The following KCNIP4 variants were observed in gnomAD, a reference collection of about 807,000 sequenced individuals.
KCNIP4 encodes the protein Kv channel-interacting protein 4.
In KCNIP4, 12 loss-of-function variants were observed where a neutral mutation model predicts 34.0. That is an observed-to-expected ratio of 0.35 (90% CI 0.23 to 0.57). The LOEUF (loss-of-function observed/expected upper bound fraction) is 0.57, where lower values mean the gene tolerates loss of function less well. Ranked by LOEUF, KCNIP4 falls within the 20% of genes least tolerant of loss-of-function variation. The pLI is 0.83. For synonymous variants in KCNIP4, 124 were observed against 102.2 expected (o/e 1.21, Z -1.29); for missense variants, 238 against 311.7 (o/e 0.76, Z 1.78).
intron 1 of KCNIP4, among the ~76,000 whole-genome samples, chr4:21,901,570 G>A (rs1459590328): frequency 6.6e-6 from 1 of 152,066 alleles, no homozygotes; most frequent in African/African-American, 2.4e-5. Context: ...AGTGGGGGCT[G>A]GAATTATGGG....
rs148528651 is a variant in KCNIP4 at position 21,037,230 on chromosome 4, G to A, written c.62-154521C>T. ...AAAATATTCTTATAAATTTAATGTC[G>A]CCAAAATGTACAGTGTGTATAAAGT... On this transcript the variant is annotated intron_variant, in intron 1 of 8. Coordinates refer to ENST00000382152, the MANE Select transcript of KCNIP4 (RefSeq NM_025221.6). Among the ~76,000 whole-genome samples the A allele has an allele frequency of 1.6e-3, 236 of 151,916 alleles. 2 individuals are homozygous for A. The highest frequency in any genetic ancestry group is 6.8e-3 in the Middle Eastern group (2 of 292).
intron 1 of KCNIP4, among the ~76,000 whole-genome samples, chr4:21,780,510 A>G: frequency 6.6e-6 from 1 of 152,120 alleles, no homozygotes; most frequent in East Asian, 1.9e-4. Context: ...GGACTAGAGG[A>G]AACCACATGC....
intron 1 of KCNIP4, among the ~76,000 whole-genome samples, chr4:21,693,367 C>G (rs993587251): frequency 2.6e-5 from 4 of 152,080 alleles, no homozygotes; most frequent in African/African-American, 9.7e-5. Context: ...TCAAGACCAG[C>G]CTGGCCAACA....
In KCNIP4 at chr4:21,664,700, C is replaced by G. The variant is rs140436958; in HGVS notation, c.61+283871G>C. Among the ~76,000 whole-genome samples, 283 of 152,120 alleles carry G rather than the reference C, an allele frequency of 1.9e-3. 1 individual carries two copies. The highest frequency in any genetic ancestry group is 6.6e-3 in the African/African-American group (274 of 41,518). ...CTCAGTTGCTTCCCAGATATACACT[C>G]GAGAGTTGAAAAATAACATTCTTAA... is the stretch of plus-strand genomic sequence containing the variant. On this transcript the variant is annotated intron_variant, in intron 1 of 8. Coordinates refer to ENST00000382152, the MANE Select transcript of KCNIP4 (RefSeq NM_025221.6).
chr4:21,749,721 C>T (rs1364045074), intron 1 of KCNIP4, among the ~76,000 whole-genome samples: 1 of 152,120 alleles, frequency 6.6e-6, no homozygotes, highest in African/African-American at 2.4e-5. Flanking sequence ...CACTGAGGGT[C>T]AGGGCCCTTT....
chr4:20,962,575 A>G (rs1286793649), intron 1 of KCNIP4, among the ~76,000 whole-genome samples: 1 of 152,204 alleles, frequency 6.6e-6, no homozygotes, highest in East Asian at 1.9e-4. Flanking sequence ...CAGTACTAAC[A>G]TTGGGCATGG....
chr4:20,738,130 A>G, intron 5 of KCNIP4, among the ~76,000 whole-genome samples: 1 of 120,640 alleles, frequency 8.3e-6, no homozygotes, highest in African/African-American at 3.7e-5. Context: ...ACTCTGTCTC[A>G]AAAAAAAAAA....
At chr4:20,985,862 T>C (rs896011367) in intron 1 of KCNIP4, among the ~76,000 whole-genome samples, 4 of 152,134 alleles carry the variant, frequency 2.6e-5, no homozygotes, top group Non-Finnish European at 4.4e-5. Context: ...ACTAGAAGTA[T>C]TATAGTATAC....
rs6839840 is a variant in KCNIP4 at position 21,324,731 on chromosome 4, G to C, written c.62-442022C>G. ...TTTTTCTTTTACTCAGGATTGCTTT[G>C]GCTTTTCTGGGTCTTTTGTGGTTCC... is the stretch of plus-strand genomic sequence containing the variant. On this transcript the variant is annotated intron_variant, in intron 1 of 8. Coordinates refer to ENST00000382152, the MANE Select transcript of KCNIP4 (RefSeq NM_025221.6). Among the ~76,000 whole-genome samples the C allele has an allele frequency of 6.5e-3, 972 of 149,134 alleles. 13 individuals are homozygous for C. Among genetic ancestry groups the C allele is most frequent in the African/African-American group, 0.023 (933 of 40,558 alleles).
intron 1 of KCNIP4, among the ~76,000 whole-genome samples, chr4:21,525,105 G>A (rs1483212043): frequency 1.3e-5 from 2 of 152,054 alleles, no homozygotes; most frequent in East Asian, 1.9e-4. Flanking sequence ...CATCAATAAA[G>A]AGCCACTTAT....
At chr4:21,336,228 A>T (rs1472708261) in intron 1 of KCNIP4, among the ~76,000 whole-genome samples, 1 of 152,088 alleles carries the variant, frequency 6.6e-6, no homozygotes, top group African/African-American at 2.4e-5. Flanking sequence ...ACAATTATTT[A>T]TCCTATTTCC....
chr4:21,538,963 G>C (rs1737456646), intron 1 of KCNIP4, among the ~76,000 whole-genome samples: 1 of 152,152 alleles, frequency 6.6e-6, no homozygotes, highest in Admixed American at 6.5e-5. Flanking sequence ...TGGATCGTAG[G>C]AGTGGATTCT....
chr4:21,431,988 A>C (rs146138043), intron 1 of KCNIP4, among the ~76,000 whole-genome samples: 1,690 of 149,426 alleles, frequency 0.011, 13 homozygotes, highest in Non-Finnish European at 0.016. Context: ...ATGGAGTGCA[A>C]ATATGACTAA....
chr4:21,098,979 C>CG (rs1420838715), intron 1 of KCNIP4, among the ~76,000 whole-genome samples: 1 of 152,094 alleles, frequency 6.6e-6, no homozygotes, highest in Non-Finnish European at 1.5e-5. Flanking sequence ...CAGACACTGA[C>CG]GAGGCTGCAG....
intron 1 of KCNIP4, among the ~76,000 whole-genome samples, chr4:21,231,246 C>A (rs1398108160): frequency 1.3e-5 from 2 of 152,052 alleles, no homozygotes; most frequent in Non-Finnish European, 1.5e-5. Context: ...TGAATTTATT[C>A]TTATTTTCTT....
chr4:21,088,027 C>T (rs6824763), intron 1 of KCNIP4, among the ~76,000 whole-genome samples: 51,936 of 151,966 alleles, frequency 0.34, 10,536 homozygotes, highest in African/African-American at 0.58. Context: ...CCTGGACAGA[C>T]CTTGCTTCTG....
chr4:20,762,008 A>G (rs1754999802), intron 3 of KCNIP4, among the ~76,000 whole-genome samples: 1 of 152,210 alleles, frequency 6.6e-6, no homozygotes, highest in African/African-American at 2.4e-5. Flanking sequence ...ACCTCTATCC[A>G]ACTAGAAGAA....
intron 1 of KCNIP4, among the ~76,000 whole-genome samples, chr4:21,291,298 G>A (rs1470557697): frequency 6.7e-6 from 1 of 150,132 alleles, no homozygotes; most frequent in Admixed American, 6.9e-5. Flanking sequence ...TGGAGTATGT[G>A]TATGTGTGTG....
intron 1 of KCNIP4, among the ~76,000 whole-genome samples, chr4:21,670,455 A>C: frequency 6.6e-6 from 1 of 150,486 alleles, no homozygotes; most frequent in Admixed American, 6.6e-5. Context: ...TAGCATTGGG[A>C]GATATACCTA....
Sources: allele counts gnomAD v4.1 joint callset (sites outside exome capture counted in the v4.1 genomes callset), GRCh38; gene constraint gnomAD v4.1.1; transcripts MANE v1.5; gene names NCBI Gene and HGNC (gene_info 2026-07-23, HGNC 2026-07-21).